HSPA4: variants seen among roughly 807,000 people sequenced by gnomAD.
HSPA4 encodes the protein heat shock 70 kDa protein 4.
In HSPA4, 25 loss-of-function variants were observed where a neutral mutation model predicts 106.2. That is an observed-to-expected ratio of 0.24 (90% CI 0.17 to 0.33). The LOEUF is 0.33. Among genes scored for constraint, HSPA4 ranks in the 10% least tolerant of loss-of-function variants. The probability of loss-of-function intolerance (pLI) is 1.00; values close to 1 mark genes in which losing one functional copy is unlikely to be tolerated. For missense variants in HSPA4, 841 were observed against 996.0 expected, an observed-to-expected ratio of 0.84 and a Z score of 2.10; for synonymous variants, 332 against 333.6, an observed-to-expected ratio of 1.00 and a Z score of 0.05.
At position 133,073,929 on chromosome 5, in the gene HSPA4, C is replaced by T. The variant is rs181515215; in HGVS notation, c.530-64C>T. The T allele has an allele frequency of 5.2e-3, 6,340 of 1,213,510 alleles. 26 individuals are homozygous for T. Among genetic ancestry groups the T allele is most frequent in the Middle Eastern group, 8.4e-3 (33 of 3,918 alleles). The allele number at this position is 1,213,510 out of a possible 1,614,324, so 75.2% of individuals were successfully genotyped here. A position where few individuals can be genotyped will look rare whatever the true frequency, so the allele number is the denominator to read the frequency against. Reference sequence around the variant, plus strand: ...TCGTTATATATAAAACCTCTTTTTTCCTGCTTAAATGAATTTTATTTACTT... The same window carrying T: ...TCGTTATATATAAAACCTCTTTTTTTCTGCTTAAATGAATTTTATTTACTT... On this transcript the variant is annotated intron_variant, in intron 5 of 18. Transcript: ENST00000304858.
chr5:133,096,256 T>C lies in HSPA4; in HGVS notation c.1803+6T>C. On this transcript the variant is annotated splice_donor_region_variant and intron_variant, in intron 14 of 18. Coordinates refer to ENST00000304858, the MANE Select transcript of HSPA4 (RefSeq NM_002154.4). ...ACTTGTACATTGAAAATGAGGTTGT[T>C]ATTTAAAGTCTATTGGAACAATGAG... is the stretch of plus-strand genomic sequence containing the variant. 1 of 1,611,020 alleles carries C rather than the reference T, an allele frequency of 6.2e-7. No individual in the cohort carries two copies. The highest frequency in any genetic ancestry group is 1.1e-5 in the South Asian group (1 of 90,614).
At chr5:133,062,877 A>T (rs975075688) in intron 1 of HSPA4, among the ~76,000 whole-genome samples, 2 of 152,196 alleles carry the variant, frequency 1.3e-5, no homozygotes, top group Non-Finnish European at 2.9e-5. Flanking sequence ...GCATTCTGCC[A>T]GTTTCCACAG....
intron 17 of HSPA4, among the ~76,000 whole-genome samples, chr5:133,102,125 C>A (rs557298531): frequency 6.6e-6 from 1 of 152,102 alleles, no homozygotes; most frequent in South Asian, 2.1e-4. Flanking sequence ...TGGAGTTTTG[C>A]CATGTTGGCC....
intron 16 of HSPA4, among the ~76,000 whole-genome samples, 177 bp downstream of exon 16, chr5:133,099,829 A>G (rs914775891): frequency 2.0e-5 from 3 of 152,204 alleles, no homozygotes; most frequent in African/African-American, 7.2e-5. Flanking sequence ...CCTTGTAATA[A>G]CAAAATGATT....
At chr5:133,053,679 G>C (rs1765113646) in intron 1 of HSPA4, among the ~76,000 whole-genome samples, 2 of 148,878 alleles carry the variant, frequency 1.3e-5, no homozygotes, top group Admixed American at 1.3e-4. Flanking sequence ...GATTGATTGA[G>C]ATGGAGTCTC....
intron 15 of HSPA4, 63 bp from the exon 16 acceptor site, chr5:133,099,482 C>G: frequency 1.2e-6 from 1 of 817,362 alleles, no homozygotes; most frequent in Non-Finnish European, 2.1e-6. Flanking sequence ...TATTCTATGC[C>G]TCTGACTGTA....
rs1765086388 is a variant in HSPA4, at chr5:133,052,088, G to A, written c.-163G>A. ...GGAGCCGGCCTGAGCAGCGCTCTCG[G>A]TTGCAGTACCCACTGGAAGGACTTA... On this transcript the variant is annotated 5_prime_UTR_variant, in exon 1 of 19. Coordinates refer to ENST00000304858, the MANE Select transcript of HSPA4 (RefSeq NM_002154.4). The A allele has an allele frequency of 3.4e-6, 2 of 582,492 alleles. No homozygotes were observed. The highest frequency in any genetic ancestry group is 6.1e-6 in the Non-Finnish European group (2 of 328,450). The allele number at this position is 582,492 out of a possible 1,614,324, so 36.1% of individuals were successfully genotyped here. A position where few individuals can be genotyped will look rare whatever the true frequency, so the allele number is the denominator to read the frequency against.
At chr5:133,067,585 A>G (rs1163275393) in intron 3 of HSPA4, 28 bp downstream of exon 3, 3 of 1,531,638 alleles carry the variant, frequency 2.0e-6, no homozygotes, top group African/African-American at 2.8e-5. Flanking sequence ...ATGCCTTTTA[A>G]TTAAAATGCA....
chr5:133,053,185 A>G (rs1284123736), intron 1 of HSPA4, among the ~76,000 whole-genome samples: 1 of 152,174 alleles, frequency 6.6e-6, no homozygotes, highest in African/African-American at 2.4e-5. Context: ...ACACAGTTCT[A>G]AAAAATGGTG....
chr5:133,101,515 TG>T, intron 16 of HSPA4: 1 of 364,900 alleles, frequency 2.7e-6, no homozygotes. Context: ...TAATTTTTGG[TG>T]GTCTCCCTGC....
At chr5:133,101,921 CTTTTTTTT>C (rs60177569) in intron 17 of HSPA4, 43 bp downstream of exon 17, 42 of 719,628 alleles carry the variant, frequency 5.8e-5, no homozygotes, top group East Asian at 2.7e-4. Flanking sequence ...GTAAAGTTAA[CTTTTTTTT>C]TTTTTTTTTT....
chr5:133,092,988 T>A (rs1480012194), intron 13 of HSPA4, among the ~76,000 whole-genome samples, 199 bp downstream of exon 13: 2 of 93,320 alleles, frequency 2.1e-5, no homozygotes, highest in African/African-American at 7.6e-5. Context: ...GGCAGCTATT[T>A]TTTTTTTTTT....
Position 133,070,454 on chromosome 5 carries a change from C to A in HSPA4, c.387C>A (p.Ala129=), listed in dbSNP as rs764064383. 2.5e-6 allele frequency: 4 copies of A among 1,613,222 alleles called. No homozygotes were observed. The South Asian group carries it at 3.3e-5, about 13-fold the overall frequency. The part of the protein sequence containing the change: ...AMLLSKLKET[A]ESVLKKPVVD... ...TTTTGTCCAAACTGAAGGAGACAGC[C>A]GAAAGTGTTCTTAAGAAGCCTGTAG... Residue 129 remains alanine (A), a synonymous_variant, in exon 4 of 19, where the codon GCC becomes GCA. Transcript: ENST00000304858.
chr5:133,100,663 T>C (rs1743199393), intron 16 of HSPA4, among the ~76,000 whole-genome samples: 1 of 152,166 alleles, frequency 6.6e-6, no homozygotes, highest in African/African-American at 2.4e-5. Context: ...CGGGTGCCTG[T>C]AGTCCCAGCA....
intron 2 of HSPA4, 73 bp from the exon 3 acceptor site, chr5:133,067,342 AAT>A (rs1765320069): frequency 3.2e-6 from 4 of 1,258,224 alleles, no homozygotes; most frequent in African/African-American, 1.5e-5. Flanking sequence ...AAATGTTGCT[AAT>A]TTAATCTGAG....
intron 7 of HSPA4, among the ~76,000 whole-genome samples, chr5:133,077,317 C>T (rs1388091066): frequency 2.0e-5 from 3 of 152,104 alleles, no homozygotes; most frequent in African/African-American, 7.2e-5. Flanking sequence ...CAACTCACTG[C>T]AACCTCCACC....
At chr5:133,075,584 C>T (rs942866767) in intron 6 of HSPA4, among the ~76,000 whole-genome samples, 2 of 151,968 alleles carry the variant, frequency 1.3e-5, no homozygotes, top group African/African-American at 4.8e-5. Flanking sequence ...GTCCTAGCTA[C>T]TCTGGAGGCT....
chr5:133,092,253 G>A (rs375166539), intron 12 of HSPA4, among the ~76,000 whole-genome samples: 1 of 152,166 alleles, frequency 6.6e-6, no homozygotes, highest in East Asian at 1.9e-4. Flanking sequence ...TCGCCTCCCC[G>A]AGCACATGCA....
At chr5:133,052,491 G>A in intron 1 of HSPA4, 134 bp downstream of exon 1, 1 of 618,004 alleles carries the variant, frequency 1.6e-6, no homozygotes, top group Non-Finnish European at 2.8e-6. Flanking sequence ...GGTAGGTCAG[G>A]GACCCCCAGT....
Sources: allele counts gnomAD v4.1 joint callset (sites outside exome capture counted in the v4.1 genomes callset), GRCh38; gene constraint gnomAD v4.1.1; transcripts MANE v1.5; gene names NCBI Gene and HGNC (gene_info 2026-07-23, HGNC 2026-07-21).